The following MCC variants were observed in gnomAD, a reference collection of about 807,000 sequenced individuals.
MCC encodes MCC regulator of Wnt signaling pathway, also known as colorectal mutant cancer protein.
A neutral mutation model predicts 116.2 loss-of-function variants in MCC; 90 were observed. The observed-to-expected ratio is 0.77, with a 90% CI of 0.65 to 0.92. The LOEUF (loss-of-function observed/expected upper bound fraction) is 0.92. Among genes scored for constraint, MCC ranks in the 40% least tolerant of loss-of-function variants. The pLI is 0.00. For synonymous variants in MCC, 578 were observed against 510.5 expected, an observed-to-expected ratio of 1.13 and a Z score of -1.78; for missense variants, 1,516 against 1,312.2, an observed-to-expected ratio of 1.16 and a Z score of -2.40.
chr5:113,385,891 A>T (rs1292925836), intron 1 of MCC, among the ~76,000 whole-genome samples: 1 of 152,184 alleles, frequency 6.6e-6, no homozygotes, highest in Non-Finnish European at 1.5e-5. Flanking sequence ...GATCTAAGAT[A>T]AGAGGGCTTG....
intron 3 of MCC, among the ~76,000 whole-genome samples, chr5:113,299,725 A>G (rs555662432): frequency 2.6e-4 from 39 of 152,362 alleles, no homozygotes; most frequent in African/African-American, 8.2e-4. Flanking sequence ...TCTCCAAGAA[A>G]GCTTCTCCAA....
chr5:113,105,215 A>G (rs936488986), intron 6 of MCC, among the ~76,000 whole-genome samples: 1 of 152,206 alleles, frequency 6.6e-6, no homozygotes, highest in Non-Finnish European at 1.5e-5. Context: ...TTCAGAGTAC[A>G]TTCTTCACCT....
intron 2 of MCC, among the ~76,000 whole-genome samples, chr5:113,369,466 C>T (rs1768785838): frequency 6.6e-6 from 1 of 152,170 alleles, no homozygotes; most frequent in Non-Finnish European, 1.5e-5. Flanking sequence ...TTACCCCATT[C>T]TTTTTCATGG....
intron 1 of MCC, among the ~76,000 whole-genome samples, chr5:113,456,118 C>T (rs1366272999): frequency 2.0e-5 from 3 of 152,190 alleles, no homozygotes; most frequent in Non-Finnish European, 2.9e-5. Context: ...TGCCACCTTA[C>T]TTAGAGATAT....
chr5:113,464,002 C>A (rs1450428325), intron 1 of MCC, among the ~76,000 whole-genome samples: 1 of 152,048 alleles, frequency 6.6e-6, no homozygotes, highest in Non-Finnish European at 1.5e-5. Flanking sequence ...AAAGGGGATG[C>A]GTCCAGAGGC....
chr5:113,184,472 GTTTTTTGTT>G (rs1412451412), intron 3 of MCC, among the ~76,000 whole-genome samples: 8 of 123,800 alleles, frequency 6.5e-5, no homozygotes, highest in Non-Finnish European at 1.1e-4. Flanking sequence ...TTCTTTCTTC[GTTTTTTGTT>G]TTTTTTTTTT....
At chr5:113,113,052 T>C (rs904355949) in intron 6 of MCC, among the ~76,000 whole-genome samples, 1 of 152,224 alleles carries the variant, frequency 6.6e-6, no homozygotes, top group Non-Finnish European at 1.5e-5. Context: ...ATGTGGGCTA[T>C]AGCAGGACTG....
At chr5:113,376,689 G>A (rs1768992751) in intron 2 of MCC, among the ~76,000 whole-genome samples, 1 of 151,302 alleles carries the variant, frequency 6.6e-6, no homozygotes, top group African/African-American at 2.4e-5. Context: ...TAAAACCATG[G>A]AATGGGCATC....
intron 3 of MCC, among the ~76,000 whole-genome samples, chr5:113,198,708 A>C (rs1367845839): frequency 8.6e-6 from 1 of 116,756 alleles, no homozygotes; most frequent in African/African-American, 4.3e-5. Context: ...CCCCACCTCA[A>C]AAAAAAAAAA....
At chr5:113,218,354 G>A (rs1344573497) in intron 3 of MCC, among the ~76,000 whole-genome samples, 1 of 152,132 alleles carries the variant, frequency 6.6e-6, no homozygotes, top group Non-Finnish European at 1.5e-5. Context: ...TTCGGGCTGG[G>A]GGCTGGGCAG....
At chr5:113,132,489 T>C (rs1000950345) in intron 5 of MCC, among the ~76,000 whole-genome samples, 3 of 148,430 alleles carry the variant, frequency 2.0e-5, no homozygotes, top group East Asian at 3.9e-4. Flanking sequence ...TACATATATA[T>C]ATACAAGCAA....
intron 2 of MCC, among the ~76,000 whole-genome samples, chr5:113,383,030 C>T (rs1359597316): frequency 3.3e-5 from 5 of 152,316 alleles, no homozygotes; most frequent in African/African-American, 7.2e-5. Flanking sequence ...AATCCTTTCT[C>T]TGGTCAGGAC....
Position 113,457,236 on chromosome 5 carries a change from G to A in MCC, c.170+31009C>T, listed in dbSNP as rs549648705. Among the ~76,000 whole-genome samples the A allele has an allele frequency of 1.1e-4, 17 of 152,346 alleles. No individual in the cohort carries two copies. The South Asian group carries it at 2.1e-3, about 19-fold the overall frequency. On this transcript the variant is annotated intron_variant, in intron 1 of 18. Transcript: ENST00000408903. ...CCTGGGCTTGGCGGGCCCCACACTCGGAGCAGCTGGCTGGGCCTGCAGGCC... is the reference window on the plus strand; with the variant it reads ...CCTGGGCTTGGCGGGCCCCACACTCAGAGCAGCTGGCTGGGCCTGCAGGCC...
chr5:113,302,802 A>G (rs1766895382), intron 3 of MCC, among the ~76,000 whole-genome samples: 1 of 152,222 alleles, frequency 6.6e-6, no homozygotes, highest in South Asian at 2.1e-4. Context: ...AAAATCAACA[A>G]GTTAAATCAA....
At chr5:113,362,728 T>C (rs1311544076) in intron 2 of MCC, among the ~76,000 whole-genome samples, 3 of 152,182 alleles carry the variant, frequency 2.0e-5, no homozygotes, top group African/African-American at 7.2e-5. Flanking sequence ...AAAATTAGCC[T>C]ATTTCTAATA....
rs537871089 is a variant in MCC at position 113,397,502 on chromosome 5, T to A, written c.171-12290A>T. 1.7e-3 allele frequency among the ~76,000 whole-genome samples: 260 copies of A among 152,260 alleles called. 2 individuals carry two copies. The highest frequency in any genetic ancestry group is 0.01 in the Middle Eastern group (3 of 294). ...CAAGATTGAAAGAAAGAATAAACATTTTAAGTCACCTAATTTATATTATAA... is the reference window on the plus strand; with the variant it reads ...CAAGATTGAAAGAAAGAATAAACATATTAAGTCACCTAATTTATATTATAA... On this transcript the variant is annotated intron_variant, in intron 1 of 18. Transcript: ENST00000408903.
At position 113,488,430 on chromosome 5, in the gene MCC, T is replaced by A; in HGVS notation, c.-16A>T. ...CCGCCATCATGCGCCCGCTCCCTACTTGGGAGGAGGAGTACGCGCGACCGC... is the reference window on the plus strand; with the variant it reads ...CCGCCATCATGCGCCCGCTCCCTACATGGGAGGAGGAGTACGCGCGACCGC... On this transcript the variant is annotated 5_prime_UTR_variant, in exon 1 of 19. The change creates a new upstream start codon in the 5' untranslated region. Coordinates refer to ENST00000408903, the MANE Select transcript of MCC (RefSeq NM_001085377.2). 7.1e-7 allele frequency: 1 copy of A among 1,402,038 alleles called. No individual in the cohort carries two copies. Among genetic ancestry groups the A allele is most frequent in the Non-Finnish European group, 9.2e-7 (1 of 1,091,846 alleles). 86.8% of individuals were successfully genotyped at this position (1,402,038 alleles called of 1,614,324 possible).
chr5:113,038,682 G>C (rs1054806948), intron 17 of MCC, among the ~76,000 whole-genome samples: 2 of 152,210 alleles, frequency 1.3e-5, no homozygotes, highest in East Asian at 3.9e-4. Context: ...CAGTCTCACG[G>C]CAGGTGTGAT....
intron 1 of MCC, among the ~76,000 whole-genome samples, chr5:113,445,821 G>C (rs1270558250): frequency 6.6e-6 from 1 of 152,162 alleles, no homozygotes; most frequent in Non-Finnish European, 1.5e-5. Context: ...AAGAAAGCTA[G>C]AGGCATCACA....
Sources: allele counts gnomAD v4.1 joint callset (sites outside exome capture counted in the v4.1 genomes callset), GRCh38; gene constraint gnomAD v4.1.1; transcripts MANE v1.5; gene names NCBI Gene and HGNC (gene_info 2026-07-23, HGNC 2026-07-21).